The following TUSC3 variants were observed in gnomAD, a reference collection of about 807,000 sequenced individuals.
TUSC3 encodes the protein tumor suppressor candidate 3.
In TUSC3, 45 loss-of-function variants were observed where a neutral mutation model predicts 44.8. The ratio of observed to expected loss-of-function variants is 1.00; its 90% CI spans 0.79 to 1.29. The LOEUF is 1.29. TUSC3 is among the 50% of genes most tolerant of loss of function. TUSC3 has a pLI of 0.00. For missense variants in TUSC3, 519 were observed against 437.9 expected (o/e 1.19, Z -1.65); for synonymous variants, 212 against 152.9 (o/e 1.39, Z -2.85).
intron 2 of TUSC3, among the ~76,000 whole-genome samples, chr8:15,489,720 A>G (rs1302271315): frequency 6.6e-6 from 1 of 152,172 alleles, no homozygotes; most frequent in Non-Finnish European, 1.5e-5. Context: ...AATGTTGGCC[A>G]GTTGCGCATG....
intron 1 of TUSC3, among the ~76,000 whole-genome samples, chr8:15,548,855 T>G (rs1801960924): frequency 6.6e-6 from 1 of 151,760 alleles, no homozygotes; most frequent in African/African-American, 2.4e-5. Flanking sequence ...TAAATATCAG[T>G]AGGAGATTGT....
At chr8:15,674,433 G>A (rs2129183675) in intron 6 of TUSC3, among the ~76,000 whole-genome samples, 1 of 152,082 alleles carries the variant, frequency 6.6e-6, no homozygotes, top group East Asian at 1.9e-4. Context: ...CTGTCTTTGA[G>A]ACAGTATTAG....
intron 1 of TUSC3, among the ~76,000 whole-genome samples, chr8:15,584,674 C>T (rs1182470491): frequency 2.0e-5 from 3 of 151,346 alleles, no homozygotes; most frequent in Admixed American, 6.6e-5. Context: ...GGAGGCTGCC[C>T]GTTGGATCTG....
At chr8:15,613,292 G>A (rs965924305) in intron 1 of TUSC3, among the ~76,000 whole-genome samples, 2 of 151,490 alleles carry the variant, frequency 1.3e-5, no homozygotes, top group Non-Finnish European at 2.9e-5. Context: ...GAAACATTAG[G>A]TAACTCTGAG....
At chr8:15,489,463 C>G (rs1462634195) in intron 2 of TUSC3, among the ~76,000 whole-genome samples, 3 of 152,190 alleles carry the variant, frequency 2.0e-5, no homozygotes, top group African/African-American at 7.2e-5. Context: ...CTCAGCTAAT[C>G]TCTTCAGGAT....
chr8:15,485,481 T>G (rs1405504361), intron 2 of TUSC3, among the ~76,000 whole-genome samples: 1 of 151,792 alleles, frequency 6.6e-6, no homozygotes, highest in Non-Finnish European at 1.5e-5. Flanking sequence ...TTTTTGTTTT[T>G]TGTGACACAG....
chr8:15,534,256 G>T (rs1801491764), intron 2 of TUSC3, among the ~76,000 whole-genome samples: 1 of 152,098 alleles, frequency 6.6e-6, no homozygotes, highest in African/African-American at 2.4e-5. Context: ...AGAGTCCGTA[G>T]AATTTACTTT....
At chr8:15,459,280 T>G (rs1226509356) in intron 1 of TUSC3, among the ~76,000 whole-genome samples, 1 of 152,208 alleles carries the variant, frequency 6.6e-6, no homozygotes, top group Non-Finnish European at 1.5e-5. Flanking sequence ...AGGAAGTTTT[T>G]GTCTTCTAAA....
At chr8:15,468,833 C>T (rs1411884885) in intron 1 of TUSC3, among the ~76,000 whole-genome samples, 1 of 151,860 alleles carries the variant, frequency 6.6e-6, no homozygotes, top group Non-Finnish European at 1.5e-5. Flanking sequence ...TACCAAATAT[C>T]TTTCTGTTTT....
chr8:15,702,010 G>C (rs1809427443), intron 6 of TUSC3, among the ~76,000 whole-genome samples: 1 of 152,102 alleles, frequency 6.6e-6, no homozygotes, highest in Admixed American at 6.6e-5. Context: ...AGAGGTTGTT[G>C]ATGAATTTGA....
intron 2 of TUSC3, among the ~76,000 whole-genome samples, chr8:15,488,155 T>C (rs1231902719): frequency 6.6e-6 from 1 of 152,112 alleles, no homozygotes; most frequent in Non-Finnish European, 1.5e-5. Flanking sequence ...TTCCTTTTCC[T>C]GAGTAACCTA....
At chr8:15,753,874 T>C (rs1452780351) in intron 9 of TUSC3, among the ~76,000 whole-genome samples, 1 of 152,002 alleles carries the variant, frequency 6.6e-6, no homozygotes, top group Non-Finnish European at 1.5e-5. Flanking sequence ...GCAAATGTGA[T>C]GGCAAAAGCA....
chr8:15,528,943 A>C (rs58200457), intron 2 of TUSC3, among the ~76,000 whole-genome samples: 1,916 of 152,028 alleles, frequency 0.013, 41 homozygotes, highest in African/African-American at 0.045. Flanking sequence ...CCTTTACCTT[A>C]CTCTTTCATT....
rs909516604 is a variant in TUSC3 at position 15,467,642 on chromosome 8, C to A, written n.92-15744C>A. ...CTGATTTGGTTTCTATTGGAAACTG[C>A]TGTCCATGTGGCAAACTCCACCAAA... On this transcript the variant is annotated intron_variant and non_coding_transcript_variant, in intron 1 of 5. Transcript: ENST00000503191. Among the ~76,000 whole-genome samples the A allele has an allele frequency of 2.0e-5, 3 of 152,264 alleles. No homozygotes were observed. In the South Asian group the frequency reaches 6.2e-4, roughly 32 times the overall value.
At chr8:15,600,911 A>G (rs1029760717) in intron 1 of TUSC3, among the ~76,000 whole-genome samples, 9 of 151,708 alleles carry the variant, frequency 5.9e-5, no homozygotes, top group Admixed American at 5.9e-4. Context: ...CATAATAATA[A>G]TTGTACATAT....
intron 7 of TUSC3, chr8:15,733,381 C>A (rs978786711): frequency 5.0e-6 from 2 of 397,308 alleles, no homozygotes; most frequent in East Asian, 8.9e-5. Flanking sequence ...TTGTTTCAAT[C>A]CATGATGTAG....
chr8:15,849,632 C>T, the TUSC3 span, among the ~76,000 whole-genome samples: 2 of 152,128 alleles, frequency 1.3e-5, no homozygotes, highest in African/African-American at 2.4e-5. Context: ...ATGTTTCAGC[C>T]TCCCTCTCAC....
the TUSC3 span, among the ~76,000 whole-genome samples, chr8:15,805,897 G>T: frequency 6.6e-6 from 1 of 152,042 alleles, no homozygotes; most frequent in African/African-American, 2.4e-5. Context: ...GTACCACCTG[G>T]TACTACCTAG....
chr8:15,583,064 G>T (rs1361788881), intron 1 of TUSC3, among the ~76,000 whole-genome samples: 2 of 152,146 alleles, frequency 1.3e-5, no homozygotes, highest in Non-Finnish European at 2.9e-5. Context: ...TGATCAATAT[G>T]ACTGGAATAC....
Sources: gnomAD v4.1 joint callset for allele counts (sites outside exome capture counted in the v4.1 genomes callset) on GRCh38, gnomAD v4.1.1 for gene constraint, MANE v1.5 for transcripts, NCBI Gene and HGNC (gene_info 2026-07-23, HGNC 2026-07-21) for gene names.